Variants in MARCHF1 observed in about 807,000 individuals in gnomAD.
MARCHF1 encodes E3 ubiquitin-protein ligase MARCHF1.
A neutral mutation model predicts 54.2 loss-of-function variants in MARCHF1; 40 were observed. That is an observed-to-expected ratio of 0.74 (90% CI 0.57 to 0.96). The LOEUF (loss-of-function observed/expected upper bound fraction) is 0.96, where lower values mean the gene tolerates loss of function less well. Ranked by LOEUF, MARCHF1 falls within the 40% of genes least tolerant of loss-of-function variation. The pLI, the probability that MARCHF1 is intolerant of heterozygous loss-of-function variation, is 0.00. For missense variants in MARCHF1, 586 were observed against 656.5 expected (o/e 0.89, Z 1.17); for synonymous variants, 236 against 236.3 (o/e 1.00, Z 0.01).
At chr4:164,367,183 C>A (rs897891717) in intron 1 of MARCHF1, among the ~76,000 whole-genome samples, 1 of 152,016 alleles carries the variant, frequency 6.6e-6, no homozygotes, top group Admixed American at 6.6e-5. Context: ...CCAAATTTCT[C>A]CTTATTACAT....
intron 8 of MARCHF1, among the ~76,000 whole-genome samples, chr4:163,576,302 A>C (rs76988888): frequency 0.01 from 1,585 of 152,214 alleles, 38 homozygotes; most frequent in African/African-American, 0.036. Context: ...TTTACTCAAA[A>C]GTCATTTAGG....
chr4:163,718,799 T>G (rs980619256), intron 4 of MARCHF1, among the ~76,000 whole-genome samples: 1 of 152,208 alleles, frequency 6.6e-6, no homozygotes, highest in African/African-American at 2.4e-5. Context: ...ATCCCAACTT[T>G]CTGAAGAAGA....
At chr4:163,788,736 G>A (rs1348317308) in intron 4 of MARCHF1, among the ~76,000 whole-genome samples, 1 of 151,972 alleles carries the variant, frequency 6.6e-6, no homozygotes, top group Non-Finnish European at 1.5e-5. Context: ...TTGGTCACCT[G>A]GTAAGGTGGC....
intron 1 of MARCHF1, among the ~76,000 whole-genome samples, chr4:164,194,497 C>A (rs1731200635): frequency 6.6e-6 from 1 of 151,910 alleles, no homozygotes; most frequent in Non-Finnish European, 1.5e-5. Flanking sequence ...TTTTCAAAAA[C>A]CTATTTTCAT....
At chr4:164,372,573 T>C (rs1003132786) in intron 1 of MARCHF1, among the ~76,000 whole-genome samples, 4 of 152,160 alleles carry the variant, frequency 2.6e-5, no homozygotes, top group Non-Finnish European at 5.9e-5. Flanking sequence ...TTTACAGCTA[T>C]AAACCATTGA....
intron 1 of MARCHF1, among the ~76,000 whole-genome samples, chr4:164,332,375 C>T (rs1561005587): frequency 6.6e-6 from 1 of 152,294 alleles, no homozygotes; most frequent in East Asian, 1.9e-4. Context: ...ATAATATTCA[C>T]AAACATTAAT....
intron 7 of MARCHF1, among the ~76,000 whole-genome samples, chr4:163,603,969 T>G (rs533681156): frequency 2.0e-5 from 3 of 152,234 alleles, no homozygotes; most frequent in Non-Finnish European, 4.4e-5. Context: ...TCTCCACTTT[T>G]TATACTCTCC....
At position 163,737,160 on chromosome 4, in the gene MARCHF1, CTTTCTTT is replaced by C. The variant is rs1337410096; in HGVS notation, c.112-36304_112-36298del. Reference sequence around the variant, plus strand: ...ACTTATCAGCGCTCGCAGCTTTTTTCTTTCTTTTTTTTTTTTTTTTTTCACATATTAG... The same window carrying C: ...ACTTATCAGCGCTCGCAGCTTTTTTCTTTTTTTTTTTTTTTCACATATTAG... On this transcript the variant is annotated intron_variant, in intron 4 of 9. Coordinates refer to ENST00000514618, the MANE Select transcript of MARCHF1 (RefSeq NM_001394959.1). 1.4e-3 allele frequency among the ~76,000 whole-genome samples: 58 copies of C among 41,000 alleles called. 5 individuals are homozygous for C. Among genetic ancestry groups the C allele is most frequent in the African/African-American group, 4.2e-3 (34 of 8,140 alleles). 26.9% of individuals were successfully genotyped at this position (41,000 alleles called of 152,430 possible). A position where few individuals can be genotyped will look rare whatever the true frequency, so the allele number is the denominator to read the frequency against.
intron 1 of MARCHF1, among the ~76,000 whole-genome samples, chr4:164,284,323 AGAGAGAGAGAC>A: frequency 7.8e-6 from 1 of 127,660 alleles, no homozygotes; most frequent in African/African-American, 3.2e-5. Context: ...AGAAAGTGAG[AGAGAGAGAGAC>A]AGAGAGAGAG....
At chr4:164,354,302 C>A (rs1730446588) in intron 1 of MARCHF1, among the ~76,000 whole-genome samples, 1 of 132,096 alleles carries the variant, frequency 7.6e-6, no homozygotes, top group Non-Finnish European at 1.7e-5. Flanking sequence ...CGGGCAGAGA[C>A]ACAACCAAAA....
intron 4 of MARCHF1, among the ~76,000 whole-genome samples, chr4:163,738,542 C>T (rs1746112082): frequency 1.3e-5 from 2 of 152,162 alleles, no homozygotes; most frequent in Admixed American, 1.3e-4. Context: ...TATCAGCCAC[C>T]TGGTACATTC....
intron 9 of MARCHF1, among the ~76,000 whole-genome samples, chr4:163,533,997 C>T (rs1738448644): frequency 6.6e-6 from 1 of 151,982 alleles, no homozygotes; most frequent in African/African-American, 2.4e-5. Flanking sequence ...TTTCTCTCAT[C>T]CAGTGCCTTT....
At chr4:163,740,569 T>G (rs1746167054) in intron 4 of MARCHF1, among the ~76,000 whole-genome samples, 1 of 152,128 alleles carries the variant, frequency 6.6e-6, no homozygotes, top group African/African-American at 2.4e-5. Context: ...GGAGAAACCT[T>G]GAGTTTAGGG....
At chr4:164,044,867 T>C (rs1222348931) in intron 2 of MARCHF1, among the ~76,000 whole-genome samples, 2 of 152,038 alleles carry the variant, frequency 1.3e-5, no homozygotes, top group African/African-American at 4.8e-5. Flanking sequence ...CTCCCCCAGT[T>C]CTAAAATAAC....
At chr4:164,369,243 G>A (rs2110951082) in intron 1 of MARCHF1, among the ~76,000 whole-genome samples, 2 of 152,300 alleles carry the variant, frequency 1.3e-5, no homozygotes. Flanking sequence ...GGGGGACTGG[G>A]TGGTTCTTCT....
chr4:163,825,007 A>G (rs960208810), intron 4 of MARCHF1, among the ~76,000 whole-genome samples: 8 of 151,512 alleles, frequency 5.3e-5, no homozygotes, highest in African/African-American at 1.7e-4. Flanking sequence ...GCTGGAGAGG[A>G]TGTGGAGAAA....
chr4:164,051,231 C>T (rs550291037), intron 2 of MARCHF1, among the ~76,000 whole-genome samples: 13 of 152,138 alleles, frequency 8.5e-5, no homozygotes, highest in East Asian at 1.9e-4. Flanking sequence ...AATTTATGTA[C>T]GGAAACAGAA....
At chr4:163,785,889 A>G (rs558774550) in intron 4 of MARCHF1, among the ~76,000 whole-genome samples, 48 of 152,152 alleles carry the variant, frequency 3.2e-4, no homozygotes, top group African/African-American at 1.2e-3. Context: ...ATTCTGGATT[A>G]TTTTGGTGGG....
intron 1 of MARCHF1, among the ~76,000 whole-genome samples, chr4:164,250,828 G>A (rs1006534552): frequency 2.0e-5 from 3 of 152,076 alleles, no homozygotes; most frequent in African/African-American, 7.2e-5. Context: ...ATCAAGAAGA[G>A]GAAGACTCCA....
Sources: allele counts gnomAD v4.1 joint callset (sites outside exome capture counted in the v4.1 genomes callset), GRCh38; gene constraint gnomAD v4.1.1; transcripts MANE v1.5; gene names NCBI Gene and HGNC (gene_info 2026-07-23, HGNC 2026-07-21).